The following NSD2 variants were observed in gnomAD, a reference collection of about 807,000 sequenced individuals.
NSD2 encodes the protein histone-lysine N-methyltransferase NSD2.
Under a neutral mutation model 139.0 loss-of-function variants are expected in NSD2, and 12 were observed. That is an observed-to-expected ratio of 0.09 (90% CI 0.06 to 0.14). The LOEUF is 0.14. Ranked by LOEUF, NSD2 falls within the 10% of genes least tolerant of loss-of-function variation. The probability of loss-of-function intolerance (pLI) is 1.00; values close to 1 mark genes in which losing one functional copy is unlikely to be tolerated. For synonymous variants in NSD2, 669 were observed against 648.7 expected, an observed-to-expected ratio of 1.03 and a Z score of -0.48; for missense variants, 1,155 against 1,745.0, an observed-to-expected ratio of 0.66 and a Z score of 6.02.
intron 1 of NSD2, among the ~76,000 whole-genome samples, chr4:1,882,846 T>C (rs771296047): frequency 5.3e-5 from 8 of 152,216 alleles, no homozygotes; most frequent in African/African-American, 9.6e-5. Context: ...TACTGCATCA[T>C]GAACTCTGGA....
intron 18 of NSD2, among the ~76,000 whole-genome samples, chr4:1,971,128 G>A (rs958728602): frequency 6.6e-6 from 1 of 152,234 alleles, no homozygotes; most frequent in African/African-American, 2.4e-5. Context: ...GGAGGCTGAG[G>A]CGGGTGGATT....
rs1723895945 is a variant in NSD2 at position 1,948,684 on chromosome 4, T to TATAA, written c.1882-2385_1882-2384insAATA. The TATAA allele has an allele frequency of 1.9e-6, 2 of 1,056,056 alleles. No individual in the cohort carries two copies. Among genetic ancestry groups the TATAA allele is most frequent in the Non-Finnish European group, 2.3e-6 (2 of 872,392 alleles). 65.4% of individuals were successfully genotyped at this position (1,056,056 alleles called of 1,614,324 possible). On this transcript the variant is annotated intron_variant, in intron 9 of 21. Transcript: ENST00000508803. This position sits in a 1 kb window ranked among gnomAD's most constrained non-coding sequence, Gnocchi z 4.5. Reference sequence around the variant, plus strand: ...GCCTCATGTGTGTCGTTAACATTTATATATTTCCATTCAAAATATGTATTC... The same window carrying TATAA: ...GCCTCATGTGTGTCGTTAACATTTATATAAATATTTCCATTCAAAATATGTATTC...
rs780286540 is a variant in NSD2 at position 1,901,143 on chromosome 4, C to G, written c.489C>G (p.Asn163Lys). Residue 163 changes from asparagine (N) to lysine (K), a missense_variant, in exon 2 of 22, where the codon AAC becomes AAG. Asn to Lys is a moderately conservative substitution (Grantham distance 94). This residue lies in a region of NSD2 where 246 missense variants were observed against 262.8 expected (regional missense o/e 0.94). Transcript: ENST00000508803. ...AAGAAAATGGACAAAAACCAGAAAACAAGGCGAGAAGGAACAGGAAGAGGA... is the reference window on the plus strand; with the variant it reads ...AAGAAAATGGACAAAAACCAGAAAAGAAGGCGAGAAGGAACAGGAAGAGGA... ...QSEENGQKPE[N>K]KARRNRKRSI... 11 of 1,614,006 alleles carry G rather than the reference C, an allele frequency of 6.8e-6. No individual in the cohort carries two copies. The highest frequency in any genetic ancestry group is 1.6e-4 in the Middle Eastern group (1 of 6,084).
At chr4:1,872,403 G>A (rs1309196590) in intron 1 of NSD2, among the ~76,000 whole-genome samples, 1 of 152,186 alleles carries the variant, frequency 6.6e-6, no homozygotes. Context: ...AAAAATGCTG[G>A]TCTTAAGTTT....
At chr4:1,873,363 G>A (rs1009336720) in intron 1 of NSD2, among the ~76,000 whole-genome samples, 2 of 152,270 alleles carry the variant, frequency 1.3e-5, no homozygotes, top group African/African-American at 2.4e-5. Flanking sequence ...ACAATTTATC[G>A]TATCTATTCG....
chr4:1,981,588 G>T lies in NSD2; in HGVS notation c.*2679G>T. ...GGCAGCTTAAAATGTGGTCACCTGT[G>T]GGGGAAACTCTTCAGGCACCTGAAG... On this transcript the variant is annotated 3_prime_UTR_variant, in exon 22 of 22. Transcript: ENST00000508803. 2.8e-6 allele frequency: 1 copy of T among 357,742 alleles called. No homozygotes were observed. Among genetic ancestry groups the T allele is most frequent in the Non-Finnish European group, 5.0e-6 (1 of 200,450 alleles). The allele number at this position is 357,742 out of a possible 1,614,324, so 22.2% of individuals were successfully genotyped here. A position where few individuals can be genotyped will look rare whatever the true frequency, so the allele number is the denominator to read the frequency against.
chr4:1,899,644 G>T (rs758225324), intron 1 of NSD2, among the ~76,000 whole-genome samples: 5 of 152,180 alleles, frequency 3.3e-5, no homozygotes, highest in African/African-American at 9.6e-5. Flanking sequence ...GTGCCTACCT[G>T]TTTCTTATTC....
At chr4:1,944,893 T>A in intron 9 of NSD2, 1 of 1,063,452 alleles carries the variant, frequency 9.4e-7, no homozygotes, top group East Asian at 5.1e-5. Flanking sequence ...ATTTTATCTC[T>A]TATACCTGTA....
At position 1,973,891 on chromosome 4, in the gene NSD2, C is replaced by G. The variant is rs183834501; in HGVS notation, c.3373-972C>G. On this transcript the variant is annotated intron_variant, in intron 18 of 21. Transcript: ENST00000508803. The surrounding 1 kb of genome is among the most constrained non-coding windows in gnomAD (Gnocchi z 5.5). ...ATCTGGCGGCTCCTCAGGTGGAGGCCGGGGCCGTCCATTCCCTGCTGCTGG... is the reference window on the plus strand; with the variant it reads ...ATCTGGCGGCTCCTCAGGTGGAGGCGGGGGCCGTCCATTCCCTGCTGCTGG... 6.6e-6 allele frequency among the ~76,000 whole-genome samples: 1 copy of G among 152,204 alleles called. No homozygotes were observed. Among genetic ancestry groups the G allele is most frequent in the Non-Finnish European group, 1.5e-5 (1 of 68,040 alleles).
rs781255847 is a variant in NSD2, at chr4:1,915,111, CT to C, written c.761-1738del. 2.6e-3 allele frequency among the ~76,000 whole-genome samples: 301 copies of C among 115,550 alleles called. 1 individual carries two copies. The highest frequency in any genetic ancestry group is 0.011 in the Middle Eastern group (2 of 188). The allele number at this position is 115,550 out of a possible 152,430, so 75.8% of individuals were successfully genotyped here. ...CTTGTTGAATTTTTTCTTTTTTTCT[CT>C]TTTTTTTTTTTTTTTTTTTTTGAGA... On this transcript the variant is annotated intron_variant, in intron 3 of 21. Coordinates refer to ENST00000508803, the MANE Select transcript of NSD2 (RefSeq NM_001042424.3).
At chr4:1,898,461 G>A (rs1236674697) in intron 1 of NSD2, among the ~76,000 whole-genome samples, 6 of 152,018 alleles carry the variant, frequency 3.9e-5, no homozygotes, top group Non-Finnish European at 7.4e-5. Flanking sequence ...TCAGGAGATC[G>A]AGACCATCCT....
intron 1 of NSD2, among the ~76,000 whole-genome samples, chr4:1,873,068 A>G (rs1246308119): frequency 6.6e-6 from 1 of 152,150 alleles, no homozygotes; most frequent in Non-Finnish European, 1.5e-5. Context: ...GATGAAGAGG[A>G]CTCATGCTTT....
intron 20 of NSD2, 28 bp downstream of exon 20, chr4:1,975,428 C>G: frequency 6.2e-7 from 1 of 1,604,390 alleles, no homozygotes; most frequent in Non-Finnish European, 8.5e-7. Flanking sequence ...TCCTTCCCCC[C>G]AGGCTCTGTG....
chr4:1,892,719 C>G (rs931304166), intron 1 of NSD2: 8 of 152,114 alleles, frequency 5.3e-5, no homozygotes, highest in African/African-American at 1.9e-4. Context: ...TAGGCGTGCA[C>G]CACCACGCCT....
chr4:1,915,111 C>CTTTTTTTTTTTTT (rs781255847), intron 3 of NSD2, among the ~76,000 whole-genome samples: 9 of 115,542 alleles, frequency 7.8e-5, no homozygotes, highest in Admixed American at 1.8e-4. Context: ...CTTTTTTTCT[C>CTTTTTTTTTTTTT]TTTTTTTTTT....
chr4:1,924,550 A>G (rs1720595833), intron 5 of NSD2, among the ~76,000 whole-genome samples: 1 of 152,170 alleles, frequency 6.6e-6, no homozygotes, highest in Non-Finnish European at 1.5e-5. Flanking sequence ...AAATGTGCTA[A>G]AAATGAAAGT....
intron 1 of NSD2, among the ~76,000 whole-genome samples, chr4:1,883,692 C>A (rs1237841208): frequency 6.6e-6 from 1 of 152,084 alleles, no homozygotes. Flanking sequence ...GTTTGTTGTC[C>A]CCATCTGCTC....
At position 1,930,784 on chromosome 4, in the gene NSD2, TA is replaced by T; in HGVS notation, c.1555+15del. 1.9e-6 allele frequency: 3 copies of T among 1,609,756 alleles called. No homozygotes were observed. The highest frequency in any genetic ancestry group is 2.5e-6 in the Non-Finnish European group (3 of 1,177,900). On this transcript the variant is annotated intron_variant, in intron 6 of 21. Transcript: ENST00000508803. The stretch of plus-strand genomic sequence containing the variant: ...AAGAAGACTCTGGTAAACATAGCAT[TA>T]TGCTGATGTCCTCTGCTTGGGTTGA...
chr4:1,939,445 G>A lies in NSD2; in HGVS notation c.1757-209G>A, dbSNP rs960680047. The A allele has an allele frequency of 8.4e-6, 5 of 591,876 alleles. No homozygotes were observed. In the Admixed American group the frequency reaches 1.5e-4, roughly 18 times the overall value. 36.7% of individuals were successfully genotyped at this position (591,876 alleles called of 1,614,324 possible). On this transcript the variant is annotated intron_variant, in intron 8 of 21. Transcript: ENST00000508803. The stretch of plus-strand genomic sequence containing the variant: ...TGGCCCCAGGTTGATGTTTTTGGGG[G>A]CCAAGTAGCGAGGACATGGGGTTCA...
Sources: gnomAD v4.1 joint callset for allele counts (sites outside exome capture counted in the v4.1 genomes callset) on GRCh38, gnomAD v4.1.1 for gene constraint, gnomAD v4.1.1 regional missense constraint, Gnocchi (gnomAD v3.1) non-coding constraint, MANE v1.5 for transcripts, NCBI Gene and HGNC (gene_info 2026-07-23, HGNC 2026-07-21) for gene names.